MLLT3: variants seen among roughly 807,000 people sequenced by gnomAD.
MLLT3 encodes the protein MLLT3 super elongation complex subunit, also known as protein AF-9.
Under a neutral mutation model 53.2 loss-of-function variants are expected in MLLT3, and 4 were observed. The observed-to-expected ratio is 0.08, with a 90% CI of 0.04 to 0.17. MLLT3 has a LOEUF of 0.17. Among genes scored for constraint, MLLT3 ranks in the 10% least tolerant of loss-of-function variants. The pLI is 1.00. For synonymous variants in MLLT3, 283 were observed against 230.6 expected, an observed-to-expected ratio of 1.23 and a Z score of -2.06; for missense variants, 569 against 684.0, an observed-to-expected ratio of 0.83 and a Z score of 1.87.
chr9:20,415,066 A>C (rs1311643449), intron 4 of MLLT3, among the ~76,000 whole-genome samples: 1 of 152,234 alleles, frequency 6.6e-6, no homozygotes, highest in Non-Finnish European at 1.5e-5. Flanking sequence ...TAGTAAGGTC[A>C]GATTACATTA....
chr9:20,498,323 T>A (rs879422208), intron 2 of MLLT3, among the ~76,000 whole-genome samples: 2 of 151,092 alleles, frequency 1.3e-5, no homozygotes, highest in African/African-American at 4.9e-5. Context: ...TTTTAAATTT[T>A]AGCCATTCTA....
At chr9:20,618,688 C>A (rs576226205) in intron 2 of MLLT3, among the ~76,000 whole-genome samples, 4 of 152,324 alleles carry the variant, frequency 2.6e-5, no homozygotes, top group African/African-American at 9.6e-5. Flanking sequence ...CAGCTTACCA[C>A]GCCTAGCAAC....
intron 2 of MLLT3, among the ~76,000 whole-genome samples, chr9:20,603,721 C>T (rs149782842): frequency 3.9e-4 from 59 of 152,108 alleles, no homozygotes; most frequent in African/African-American, 1.4e-3. Flanking sequence ...TCATTGTGCC[C>T]TTAATTTGCA....
chr9:20,380,297 A>G (rs1004716088), intron 5 of MLLT3: 4 of 150,150 alleles, frequency 2.7e-5, no homozygotes, highest in Non-Finnish European at 5.9e-5. Context: ...TTCTCTTCCT[A>G]CAGACAAGTT....
intron 2 of MLLT3, among the ~76,000 whole-genome samples, chr9:20,599,553 AC>A (rs781451667): frequency 7.9e-5 from 12 of 152,126 alleles, no homozygotes; most frequent in Non-Finnish European, 1.6e-4. Context: ...ACTAAGCCAG[AC>A]TTAGGCCTCA....
intron 2 of MLLT3, among the ~76,000 whole-genome samples, chr9:20,517,712 C>T (rs1163242262): frequency 6.6e-6 from 1 of 151,814 alleles, no homozygotes; most frequent in Non-Finnish European, 1.5e-5. Context: ...GGTGTGGTGC[C>T]TGTAATACCA....
At position 20,621,943 on chromosome 9, in the gene MLLT3, G is replaced by C. The variant is rs922888508; in HGVS notation, c.12+302C>G. ...TGTGAGTGCGCGCGTGTGAGCGAGAGGGAGTGTGTGAGTGCGCTTCTTGTG... is the reference window on the plus strand; with the variant it reads ...TGTGAGTGCGCGCGTGTGAGCGAGACGGAGTGTGTGAGTGCGCTTCTTGTG... On this transcript the variant is annotated intron_variant, in intron 1 of 10. Coordinates refer to ENST00000380338, the MANE Select transcript of MLLT3 (RefSeq NM_004529.4). The surrounding 1 kb of genome is among the most constrained non-coding windows in gnomAD (Gnocchi z 7.0). The C allele has an allele frequency of 1.4e-6, 2 of 1,389,934 alleles. No individual in the cohort carries two copies. The highest frequency in any genetic ancestry group is 1.9e-4 in the Middle Eastern group (1 of 5,316). The allele number at this position is 1,389,934 out of a possible 1,614,324, so 86.1% of individuals were successfully genotyped here.
Position 20,594,034 on chromosome 9 carries a change from G to A in MLLT3, c.193+26620C>T, listed in dbSNP as rs998486586. Among the ~76,000 whole-genome samples the A allele has an allele frequency of 2.0e-5, 3 of 149,818 alleles. No homozygotes were observed. The East Asian group carries it at 5.9e-4, about 30-fold the overall frequency. ...CGGCTCACTGCAACATCCGTCTCCTGGGTTCAGGCGATTCTCCTGCCTCAG... is the reference window on the plus strand; with the variant it reads ...CGGCTCACTGCAACATCCGTCTCCTAGGTTCAGGCGATTCTCCTGCCTCAG... On this transcript the variant is annotated intron_variant, in intron 2 of 10. Transcript: ENST00000380338.
Position 20,587,237 on chromosome 9 carries a change from C to T in MLLT3, c.193+33417G>A, listed in dbSNP as rs370075248. Among the ~76,000 whole-genome samples the T allele has an allele frequency of 1.0e-4, 15 of 145,492 alleles. No homozygotes were observed. In the East Asian group the frequency reaches 2.8e-3, roughly 27 times the overall value. On this transcript the variant is annotated intron_variant, in intron 2 of 10. Coordinates refer to ENST00000380338, the MANE Select transcript of MLLT3 (RefSeq NM_004529.4). ...AATAGGTTCATATCTGCAAAGGGAACTTTCAAAGAAACCAATAAGACACAA... is the reference window on the plus strand; with the variant it reads ...AATAGGTTCATATCTGCAAAGGGAATTTTCAAAGAAACCAATAAGACACAA...
At chr9:20,556,920 C>T (rs1301997515) in intron 2 of MLLT3, among the ~76,000 whole-genome samples, 1 of 151,898 alleles carries the variant, frequency 6.6e-6, no homozygotes, top group Non-Finnish European at 1.5e-5. Flanking sequence ...TTTGAAACAA[C>T]CTAAGTTATA....
intron 4 of MLLT3, among the ~76,000 whole-genome samples, chr9:20,423,118 C>A (rs1237736298): frequency 2.0e-5 from 3 of 152,086 alleles, no homozygotes; most frequent in Admixed American, 6.5e-5. Context: ...AGTGCAGTGA[C>A]CTTCTAGGCT....
intron 2 of MLLT3, among the ~76,000 whole-genome samples, chr9:20,527,949 C>T (rs1307324052): frequency 2.6e-5 from 4 of 152,190 alleles, no homozygotes; most frequent in African/African-American, 9.7e-5. Flanking sequence ...AAGTGTTACA[C>T]CTTAGAACCA....
intron 2 of MLLT3, among the ~76,000 whole-genome samples, chr9:20,571,111 G>A (rs1011183527): frequency 5.3e-5 from 8 of 152,204 alleles, no homozygotes; most frequent in Admixed American, 2.0e-4. Context: ...GGACCACCAC[G>A]TGTACTCACA....
chr9:20,474,680 C>T (rs1363648555), intron 2 of MLLT3, among the ~76,000 whole-genome samples: 1 of 151,646 alleles, frequency 6.6e-6, no homozygotes, highest in Non-Finnish European at 1.5e-5. Flanking sequence ...GTTTGACCAA[C>T]GAGGGGAAAA....
At chr9:20,587,186 CAA>C (rs11393182) in intron 2 of MLLT3, among the ~76,000 whole-genome samples, 26 of 106,202 alleles carry the variant, frequency 2.4e-4, no homozygotes, top group Non-Finnish European at 3.3e-4. Flanking sequence ...ATAGCTAGGC[CAA>C]AAAAAAAAAA....
intron 2 of MLLT3, among the ~76,000 whole-genome samples, chr9:20,495,482 G>C (rs1480911337): frequency 6.6e-6 from 1 of 152,170 alleles, no homozygotes. Flanking sequence ...AAAATCTACA[G>C]TCAGCAATGA....
In MLLT3 at chr9:20,449,409, C is replaced by T. The variant is rs963424757; in HGVS notation, c.277-1143G>A. 5.3e-5 allele frequency among the ~76,000 whole-genome samples: 8 copies of T among 152,140 alleles called. 1 individual carries two copies. Among genetic ancestry groups the T allele is most frequent in the African/African-American group, 1.9e-4 (8 of 41,428 alleles). On this transcript the variant is annotated intron_variant, in intron 3 of 10. Transcript: ENST00000380338. ...GAATTTCCGATACCCAGGTTCAACT[C>T]TCAAGCTGTTACTTAAGTTGACTGA...
At chr9:20,365,166 G>A (rs1821418471) in intron 6 of MLLT3, among the ~76,000 whole-genome samples, 1 of 152,168 alleles carries the variant, frequency 6.6e-6, no homozygotes, top group Non-Finnish European at 1.5e-5. Context: ...ACAATCTGAT[G>A]GCAGGGACCG....
intron 2 of MLLT3, among the ~76,000 whole-genome samples, chr9:20,616,540 C>G (rs72701950): frequency 6.6e-6 from 1 of 152,124 alleles, no homozygotes; most frequent in South Asian, 2.1e-4. Flanking sequence ...CCACAAGTAG[C>G]TACTAAACTA....
Sources: gnomAD v4.1 joint callset for allele counts (sites outside exome capture counted in the v4.1 genomes callset) on GRCh38, gnomAD v4.1.1 for gene constraint, Gnocchi (gnomAD v3.1) non-coding constraint, MANE v1.5 for transcripts, NCBI Gene and HGNC (gene_info 2026-07-23, HGNC 2026-07-21) for gene names.